The following NECTIN1 variants were observed in gnomAD, a reference collection of about 807,000 sequenced individuals.
The protein encoded by NECTIN1 is nectin-1.
Under a neutral mutation model 48.0 loss-of-function variants are expected in NECTIN1, and 23 were observed. That is an observed-to-expected ratio of 0.48 (90% confidence interval 0.34 to 0.68). NECTIN1 has a LOEUF of 0.68. Ranked by LOEUF, NECTIN1 falls within the 30% of genes least tolerant of loss-of-function variation. The pLI is 0.01. For synonymous variants in NECTIN1, 270 were observed against 288.9 expected (o/e 0.93, Z 0.66); for missense variants, 591 against 709.9 (o/e 0.83, Z 1.90).
At chr11:119,691,091 A>C (rs1011750207) in intron 1 of NECTIN1, among the ~76,000 whole-genome samples, 2 of 152,188 alleles carry the variant, frequency 1.3e-5, no homozygotes, top group Non-Finnish European at 2.9e-5. Context: ...CCCAGTGTTA[A>C]CCACCAAAAG....
At chr11:119,708,019 A>G (rs553043385) in intron 1 of NECTIN1, among the ~76,000 whole-genome samples, 1 of 152,266 alleles carries the variant, frequency 6.6e-6, no homozygotes, top group East Asian at 1.9e-4. Context: ...GGCCCCAGAC[A>G]TGAAAACAAA....
In NECTIN1 at chr11:119,661,166, C is replaced by A; in HGVS notation, c.*3581G>T. On this transcript the variant is annotated 3_prime_UTR_variant, in exon 6 of 6. Coordinates refer to ENST00000264025, the MANE Select transcript of NECTIN1 (RefSeq NM_002855.5). ...CAAAGGCGGAAAGGGCGACAAGACGCCGAAGCAAGGTAGCGCATCACGCTG... is the reference window on the plus strand; with the variant it reads ...CAAAGGCGGAAAGGGCGACAAGACGACGAAGCAAGGTAGCGCATCACGCTG... 1 of 985,830 alleles carries A rather than the reference C, an allele frequency of 1.0e-6. No individual in the cohort carries two copies. The highest frequency in any genetic ancestry group is 1.2e-6 in the Non-Finnish European group (1 of 829,950). 61.1% of individuals were successfully genotyped at this position (985,830 alleles called of 1,614,324 possible). A position where few individuals can be genotyped will look rare whatever the true frequency, so the allele number is the denominator to read the frequency against.
downstream of NECTIN1, among the ~76,000 whole-genome samples, chr11:119,660,371 C>A (rs1387299925): frequency 6.6e-6 from 1 of 151,840 alleles, no homozygotes; most frequent in African/African-American, 2.4e-5. Flanking sequence ...AAGACCTTCT[C>A]TCCAAACAAC....
At chr11:119,693,860 A>T (rs568590399) in intron 1 of NECTIN1, among the ~76,000 whole-genome samples, 21 of 152,280 alleles carry the variant, frequency 1.4e-4, no homozygotes, top group African/African-American at 5.1e-4. Context: ...AATGCTGGGA[A>T]AGGGTGGGTT....
At chr11:119,726,270 TG>T (rs764835152) in intron 1 of NECTIN1, among the ~76,000 whole-genome samples, 4 of 152,074 alleles carry the variant, frequency 2.6e-5, no homozygotes, top group Non-Finnish European at 5.9e-5. Flanking sequence ...AAGTAGGGTG[TG>T]GGCTTGCAAC....
intron 5 of NECTIN1, among the ~76,000 whole-genome samples, chr11:119,671,026 G>T (rs1479503850): frequency 6.6e-6 from 1 of 151,926 alleles, no homozygotes; most frequent in Non-Finnish European, 1.5e-5. Flanking sequence ...TTTAGGGCTG[G>T]GCCTGTGTAG....
chr11:119,715,576 G>A (rs889529947), intron 1 of NECTIN1, among the ~76,000 whole-genome samples: 32 of 152,118 alleles, frequency 2.1e-4, no homozygotes, highest in African/African-American at 7.0e-4. Context: ...GGCTGGTCTC[G>A]AACTCCTGAC....
chr11:119,694,190 T>C (rs564438526), intron 1 of NECTIN1, among the ~76,000 whole-genome samples: 25 of 152,092 alleles, frequency 1.6e-4, no homozygotes, highest in African/African-American at 6.0e-4. Context: ...TCTTCCAAGA[T>C]TGCCAAGCAG....
At chr11:119,699,434 C>A (rs1203817381) in intron 1 of NECTIN1, among the ~76,000 whole-genome samples, 5 of 152,194 alleles carry the variant, frequency 3.3e-5, no homozygotes, top group African/African-American at 1.2e-4. Context: ...TCTCCCCAGG[C>A]CGGCCACACC....
At position 119,727,995 on chromosome 11, in the gene NECTIN1, G is replaced by A. The variant is rs1227370788; in HGVS notation, c.79+480C>T. Among the ~76,000 whole-genome samples the A allele has an allele frequency of 6.6e-6, 1 of 152,148 alleles. No homozygotes were observed. Among genetic ancestry groups the A allele is most frequent in the African/African-American group, 2.4e-5 (1 of 41,450 alleles). Reference sequence around the variant, plus strand: ...GGGCGGGAGGGGGCCCGAGCGTCCTGAGCCGTCTGGCAAAGGGGCCGCCGA... The same window carrying A: ...GGGCGGGAGGGGGCCCGAGCGTCCTAAGCCGTCTGGCAAAGGGGCCGCCGA... On this transcript the variant is annotated intron_variant, in intron 1 of 5. Coordinates refer to ENST00000264025, the MANE Select transcript of NECTIN1 (RefSeq NM_002855.5). The surrounding 1 kb of genome is among the most constrained non-coding windows in gnomAD (Gnocchi z 4.1).
At chr11:119,642,705 C>T (rs552505503) in intron 5 of NECTIN1, 1 of 153,616 alleles carries the variant, frequency 6.5e-6, no homozygotes, top group African/African-American at 2.4e-5. Flanking sequence ...CAAGCATGCT[C>T]AAAAGTCCCT....
downstream of NECTIN1, among the ~76,000 whole-genome samples, chr11:119,658,676 G>A (rs371538356): frequency 2.0e-5 from 3 of 152,148 alleles, no homozygotes; most frequent in Non-Finnish European, 2.9e-5. Context: ...ATCTGACTCC[G>A]ACAACTCCAC....
At chr11:119,638,967 G>T (rs527689366) in intron 6 of NECTIN1, among the ~76,000 whole-genome samples, 568 of 1,208 alleles carry the variant, frequency 0.47, 3 homozygotes, top group Middle Eastern at 0.5. Context: ...TTGGGCTGGG[G>T]CTCCTCAGGG....
At chr11:119,728,412 C>A in intron 1 of NECTIN1, 63 bp downstream of exon 1, 1 of 1,479,528 alleles carries the variant, frequency 6.8e-7, no homozygotes, top group Non-Finnish European at 9.2e-7. Flanking sequence ...TGCCCGCCAT[C>A]CGGCTCCCAG....
chr11:119,716,720 C>T (rs1169220791), intron 1 of NECTIN1, among the ~76,000 whole-genome samples: 1 of 152,218 alleles, frequency 6.6e-6, no homozygotes, highest in Non-Finnish European at 1.5e-5. Context: ...CTTTGATTGG[C>T]TCCCCCTCCT....
Position 119,685,532 on chromosome 11 carries a change from G to C in NECTIN1, c.80-6767C>G, listed in dbSNP as rs55846247. Among the ~76,000 whole-genome samples the C allele has an allele frequency of 7.1e-3, 1,079 of 152,340 alleles. 6 individuals are homozygous for C. The highest frequency in any genetic ancestry group is 0.011 in the Non-Finnish European group (772 of 68,020). ...ACCTCCCTCCAGCAGGACAGGCTGG[G>C]GTCAGAGATGAGTCAGGGAGCTGAG... On this transcript the variant is annotated intron_variant, in intron 1 of 5. Coordinates refer to ENST00000264025, the MANE Select transcript of NECTIN1 (RefSeq NM_002855.5).
At chr11:119,648,806 A>G (rs1435293658) in intron 5 of NECTIN1, among the ~76,000 whole-genome samples, 2 of 151,824 alleles carry the variant, frequency 1.3e-5, no homozygotes, top group Admixed American at 1.3e-4. Flanking sequence ...CACACCCAGG[A>G]GGCTTCCATT....
rs894493121 is a variant in NECTIN1, at chr11:119,673,410, G to A, written c.1003+1749C>T. ...TGTCCCTCTTCCAGCTGGGACCCTA[G>A]GTGGCCCGGCCCTCCTGCCCCCAGC... On this transcript the variant is annotated intron_variant, in intron 5 of 5. Transcript: ENST00000264025. The surrounding 1 kb of genome is among the most constrained non-coding windows in gnomAD (Gnocchi z 5.8). Among the ~76,000 whole-genome samples, 1 of 152,156 alleles carries A rather than the reference G, an allele frequency of 6.6e-6. No homozygotes were observed. The highest frequency in any genetic ancestry group is 1.5e-5 in the Non-Finnish European group (1 of 68,002).
chr11:119,699,491 T>C (rs531804399), intron 1 of NECTIN1, among the ~76,000 whole-genome samples: 584 of 1,330 alleles, frequency 0.44, 8 homozygotes, highest in East Asian at 0.49. Context: ...CAGAGGCCCC[T>C]GTCCCCAGCG....
Sources: allele counts gnomAD v4.1 joint callset (sites outside exome capture counted in the v4.1 genomes callset), GRCh38; gene constraint gnomAD v4.1.1; non-coding constraint Gnocchi (gnomAD v3.1); transcripts MANE v1.5; gene names NCBI Gene and HGNC (gene_info 2026-07-23, HGNC 2026-07-21).